DNAH5: variants seen among roughly 807,000 people sequenced by gnomAD.
The protein encoded by DNAH5 is dynein axonemal heavy chain 5, also known as axonemal beta dynein heavy chain 5.
A neutral mutation model predicts 518.2 loss-of-function variants in DNAH5; 372 were observed. That is an observed-to-expected ratio of 0.72 (90% confidence interval 0.66 to 0.78). The LOEUF is 0.78. Ranked by LOEUF, DNAH5 falls within the 30% of genes least tolerant of loss-of-function variation. The pLI, the probability that DNAH5 is intolerant of heterozygous loss-of-function variation, is 0.00. For synonymous variants in DNAH5, 2,039 were observed against 2,025.9 expected, an observed-to-expected ratio of 1.01 and a Z score of -0.17; for missense variants, 5,523 against 5,687.0, an observed-to-expected ratio of 0.97 and a Z score of 0.93.
intron 42 of DNAH5, among the ~76,000 whole-genome samples, 195 bp downstream of exon 42, chr5:13,817,353 A>G (rs570151837): frequency 6.6e-6 from 1 of 152,334 alleles, no homozygotes; most frequent in Middle Eastern, 3.4e-3. Flanking sequence ...ATTATTTCCT[A>G]AAAGGGAGCA....
At chr5:13,938,861 C>T (rs746421448) in intron 1 of DNAH5, among the ~76,000 whole-genome samples, 1 of 152,220 alleles carries the variant, frequency 6.6e-6, no homozygotes, top group East Asian at 1.9e-4. Flanking sequence ...GCTAACTTCA[C>T]TTTATTTCAT....
intron 65 of DNAH5, among the ~76,000 whole-genome samples, chr5:13,747,858 C>G (rs1749623682): frequency 6.6e-6 from 1 of 152,118 alleles, no homozygotes; most frequent in South Asian, 2.1e-4. Flanking sequence ...ATGGTAGTTT[C>G]TTTTGCTGTG....
intron 61 of DNAH5, among the ~76,000 whole-genome samples, chr5:13,756,290 AC>A (rs1381960053): frequency 5.3e-5 from 8 of 152,214 alleles, no homozygotes; most frequent in Admixed American, 5.2e-4. Context: ...GAGAAGAGCA[AC>A]AAAAATGACT....
chr5:13,767,020 T>C (rs5023693), intron 58 of DNAH5, among the ~76,000 whole-genome samples: 46,398 of 151,814 alleles, frequency 0.31, 7,535 homozygotes, highest in South Asian at 0.42. Context: ...TAAAAGTGAA[T>C]GATTTTTTTC....
intron 1 of DNAH5, among the ~76,000 whole-genome samples, chr5:13,993,921 G>A (rs1334158520): frequency 6.6e-6 from 1 of 152,180 alleles, no homozygotes; most frequent in Non-Finnish European, 1.5e-5. Context: ...GGTATATAAT[G>A]CAACCCATTG....
intron 76 of DNAH5, among the ~76,000 whole-genome samples, chr5:13,706,811 CTTTTA>C (rs1742848338): frequency 6.6e-6 from 1 of 152,132 alleles, no homozygotes; most frequent in Non-Finnish European, 1.5e-5. Flanking sequence ...AATTCTTATC[CTTTTA>C]TTTTGATATA....
chr5:13,700,923 G>T, intron 77 of DNAH5, 52 bp from the exon 78 acceptor site: 3 of 1,548,512 alleles, frequency 1.9e-6, no homozygotes, highest in Non-Finnish European at 2.7e-6. Flanking sequence ...TGTCTTAATA[G>T]AAAGAGCATA....
At chr5:14,008,803 A>C (rs1784909911) in intron 1 of DNAH5, among the ~76,000 whole-genome samples, 1 of 152,250 alleles carries the variant, frequency 6.6e-6, no homozygotes, top group South Asian at 2.1e-4. Context: ...TGAACTGCCC[A>C]GGTATCTGTA....
intron 15 of DNAH5, among the ~76,000 whole-genome samples, chr5:13,895,332 G>A (rs1447446308): frequency 6.6e-6 from 1 of 152,074 alleles, no homozygotes; most frequent in Non-Finnish European, 1.5e-5. Flanking sequence ...TACAACTGAA[G>A]ATGAACAAGA....
In DNAH5 at chr5:13,850,745, C is replaced by A. The variant is rs1024785789; in HGVS notation, c.5021G>T (p.Ser1674Ile). Residue 1674 changes from serine (S) to isoleucine (I), a missense_variant, in exon 31 of 79, where the codon AGT becomes ATT. Ser to Ile is a moderately radical substitution (Grantham distance 142). Coordinates refer to ENST00000265104, the MANE Select transcript of DNAH5 (RefSeq NM_001369.3). ...ATCTCCAACACAGCACTGGACTACACTGGGCACTTCATGTGCCCGAGTCAT... is the reference window on the plus strand; with the variant it reads ...ATCTCCAACACAGCACTGGACTACAATGGGCACTTCATGTGCCCGAGTCAT... ...KIMTRAHEVPSVVQCCVGDET... is the reference protein window; with the variant it reads ...KIMTRAHEVPIVVQCCVGDET... 5 of 1,614,000 alleles carry A rather than the reference C, an allele frequency of 3.1e-6. No individual in the cohort carries two copies. The highest frequency in any genetic ancestry group is 2.7e-5 in the African/African-American group (2 of 75,066).
intron 31 of DNAH5, among the ~76,000 whole-genome samples, chr5:13,849,347 C>G (rs1766495551): frequency 6.6e-6 from 1 of 152,198 alleles, no homozygotes; most frequent in African/African-American, 2.4e-5. Context: ...TGATTCCATT[C>G]CCTTAGTTCC....
At chr5:13,704,698 G>A (rs1156678520) in intron 76 of DNAH5, among the ~76,000 whole-genome samples, 1 of 152,124 alleles carries the variant, frequency 6.6e-6, no homozygotes, top group East Asian at 1.9e-4. Flanking sequence ...CGGTTCTTTG[G>A]TTCCATGATT....
At chr5:13,764,529 T>C (rs141726977) in intron 59 of DNAH5, among the ~76,000 whole-genome samples, 64 of 152,280 alleles carry the variant, frequency 4.2e-4, no homozygotes, top group African/African-American at 1.5e-3. Context: ...AAGACACCAC[T>C]ACAAACTCAT....
intron 78 of DNAH5, among the ~76,000 whole-genome samples, chr5:13,699,747 A>C (rs1052441139): frequency 6.6e-6 from 1 of 152,160 alleles, no homozygotes; most frequent in Non-Finnish European, 1.5e-5. Context: ...TGTAGTTCAT[A>C]AATTATTTTA....
At chr5:14,007,706 C>G (rs1784814646) in intron 1 of DNAH5, among the ~76,000 whole-genome samples, 1 of 152,242 alleles carries the variant, frequency 6.6e-6, no homozygotes, top group South Asian at 2.1e-4. Flanking sequence ...TCCTGGAAGG[C>G]AGGCCACTGA....
chr5:13,878,268 G>T (rs568430454), intron 21 of DNAH5, among the ~76,000 whole-genome samples: 1 of 152,288 alleles, frequency 6.6e-6, no homozygotes, highest in Admixed American at 6.5e-5. Context: ...TGAAGAAAGG[G>T]CATTAGGCAT....
Position 13,840,895 on chromosome 5 carries a change from A to G in DNAH5, c.5709+11T>C, listed in dbSNP as rs1211137112. ...TTTCTCTACATGCCACAGCATTTATAAAGAATTTACCAGGTCATCAAAGAT... is the reference window on the plus strand; with the variant it reads ...TTTCTCTACATGCCACAGCATTTATGAAGAATTTACCAGGTCATCAAAGAT... On this transcript the variant is annotated intron_variant, in intron 34 of 78. Transcript: ENST00000265104. The G allele has an allele frequency of 4.3e-6, 7 of 1,610,504 alleles. No individual in the cohort carries two copies. The highest frequency in any genetic ancestry group is 1.3e-5 in the African/African-American group (1 of 74,864).
At chr5:13,998,294 A>G (rs762818206) in intron 1 of DNAH5, among the ~76,000 whole-genome samples, 1 of 152,176 alleles carries the variant, frequency 6.6e-6, no homozygotes, top group African/African-American at 2.4e-5. Context: ...AGACTTCCTT[A>G]AGCCCTTTAT....
At chr5:13,969,935 C>T (rs1454029725) in intron 1 of DNAH5, among the ~76,000 whole-genome samples, 9 of 152,124 alleles carry the variant, frequency 5.9e-5, no homozygotes, top group Non-Finnish European at 1.2e-4. Context: ...TATCTCATTA[C>T]TAATGTCTAC....
Sources: allele counts gnomAD v4.1 joint callset (sites outside exome capture counted in the v4.1 genomes callset), GRCh38; gene constraint gnomAD v4.1.1; transcripts MANE v1.5; gene names NCBI Gene and HGNC (gene_info 2026-07-23, HGNC 2026-07-21).